ATG10: variants seen among roughly 807,000 people sequenced by gnomAD.
ATG10 encodes autophagy related 10.
In ATG10, 30 loss-of-function variants were observed where a neutral mutation model predicts 32.1. That is an observed-to-expected ratio of 0.94 (90% CI 0.70 to 1.27). The LOEUF is 1.27. Ranked by LOEUF, ATG10 falls within the 50% of genes most tolerant of loss-of-function variation. The probability of loss-of-function intolerance (pLI) is 0.00; values close to 1 mark genes in which losing one functional copy is unlikely to be tolerated. For synonymous variants in ATG10, 87 were observed against 91.5 expected (o/e 0.95, Z 0.28); for missense variants, 233 against 262.3 (o/e 0.89, Z 0.77).
chr5:82,201,791 A>G (rs1745079799), intron 5 of ATG10, among the ~76,000 whole-genome samples: 1 of 152,132 alleles, frequency 6.6e-6, no homozygotes, highest in East Asian at 1.9e-4. Flanking sequence ...CCATTCTTGT[A>G]TGTCTTCTGT....
intron 5 of ATG10, among the ~76,000 whole-genome samples, chr5:82,193,029 G>A (rs547179328): frequency 5.9e-5 from 9 of 152,278 alleles, no homozygotes; most frequent in African/African-American, 2.2e-4. Context: ...ACTATGAGGT[G>A]GGGTTGGCAG....
At chr5:82,234,462 C>T (rs971066823) in intron 5 of ATG10, among the ~76,000 whole-genome samples, 1 of 152,122 alleles carries the variant, frequency 6.6e-6, no homozygotes, top group African/African-American at 2.4e-5. Context: ...GTACCTTGAA[C>T]CCCATTGCCC....
At chr5:82,142,367 T>A (rs746410847) in intron 3 of ATG10, among the ~76,000 whole-genome samples, 17 of 152,144 alleles carry the variant, frequency 1.1e-4, no homozygotes, top group Non-Finnish European at 1.8e-4. Flanking sequence ...GAGGCAGGGT[T>A]TGAGTTGAAC....
chr5:82,195,074 A>ACACTTCAAG (rs1403536669), intron 5 of ATG10, among the ~76,000 whole-genome samples: 1 of 152,206 alleles, frequency 6.6e-6, no homozygotes, highest in African/African-American at 2.4e-5. Context: ...CTGGCTTCAA[A>ACACTTCAAG]CACTTCAAGC....
intron 4 of ATG10, among the ~76,000 whole-genome samples, chr5:82,166,930 G>C (rs765681768): frequency 6.6e-6 from 1 of 151,972 alleles, no homozygotes; most frequent in Non-Finnish European, 1.5e-5. Flanking sequence ...TCTCTGCTTT[G>C]CTCTAAATTT....
intron 5 of ATG10, among the ~76,000 whole-genome samples, chr5:82,214,052 G>A (rs1454079240): frequency 1.3e-5 from 2 of 152,152 alleles, no homozygotes; most frequent in Non-Finnish European, 2.9e-5. Flanking sequence ...TCATGTCCAT[G>A]TACTACCTAA....
intron 3 of ATG10, among the ~76,000 whole-genome samples, chr5:82,121,762 A>G (rs1044046002): frequency 6.6e-6 from 1 of 152,098 alleles, no homozygotes; most frequent in African/African-American, 2.4e-5. Context: ...GATGAATGAC[A>G]TTTATTGATT....
intron 2 of ATG10, among the ~76,000 whole-genome samples, chr5:81,994,895 G>A (rs1761615507): frequency 6.6e-6 from 1 of 152,116 alleles, no homozygotes; most frequent in Non-Finnish European, 1.5e-5. Flanking sequence ...ACATCTAGAA[G>A]CCAAGGTGTT....
At chr5:82,130,219 G>A (rs1010940366) in intron 3 of ATG10, among the ~76,000 whole-genome samples, 3 of 152,144 alleles carry the variant, frequency 2.0e-5, no homozygotes, top group Non-Finnish European at 4.4e-5. Context: ...ATCCCAGGTC[G>A]ACTTCAGACT....
intron 2 of ATG10, among the ~76,000 whole-genome samples, chr5:82,016,242 A>G (rs141431164): frequency 6.6e-6 from 1 of 152,006 alleles, no homozygotes; most frequent in Admixed American, 6.6e-5. Context: ...ATCCATCTTT[A>G]GTTGATTTTT....
intron 2 of ATG10, among the ~76,000 whole-genome samples, chr5:82,014,639 C>A (rs1432872026): frequency 6.6e-6 from 1 of 152,122 alleles, no homozygotes; most frequent in Non-Finnish European, 1.5e-5. Flanking sequence ...TTATCCGAGA[C>A]TAGGATTGCA....
intron 3 of ATG10, among the ~76,000 whole-genome samples, chr5:82,095,732 G>T (rs893420458): frequency 6.6e-6 from 1 of 152,084 alleles, no homozygotes; most frequent in Admixed American, 6.6e-5. Flanking sequence ...TGGCTGGGGA[G>T]GTGCACAGGC....
At chr5:81,985,936 G>A (rs1581568178) in intron 1 of ATG10, among the ~76,000 whole-genome samples, 1 of 152,060 alleles carries the variant, frequency 6.6e-6, no homozygotes, top group African/African-American at 2.4e-5. Context: ...CTAATTTTTT[G>A]TATTTTTTAG....
chr5:82,187,949 T>A (rs1744518227), intron 5 of ATG10, among the ~76,000 whole-genome samples: 1 of 152,188 alleles, frequency 6.6e-6, no homozygotes, highest in Non-Finnish European at 1.5e-5. Context: ...TGGAAAGTCC[T>A]AAATGCATAT....
At chr5:82,212,672 T>C (rs907004118) in intron 5 of ATG10, among the ~76,000 whole-genome samples, 2 of 152,202 alleles carry the variant, frequency 1.3e-5, no homozygotes, top group African/African-American at 4.8e-5. Flanking sequence ...ACTGTGCCAT[T>C]GAGAGTAAAC....
rs555392884 is a variant in ATG10 at position 81,991,404 on chromosome 5, G to A, written c.108+3726G>A. Among the ~76,000 whole-genome samples, 37 of 152,044 alleles carry A rather than the reference G, an allele frequency of 2.4e-4. No individual in the cohort carries two copies. In the South Asian group the frequency reaches 5.4e-3, roughly 22 times the overall value. On this transcript the variant is annotated intron_variant, in intron 2 of 7. Transcript: ENST00000282185. Reference sequence around the variant, plus strand: ...AGTGTGTAATTTATTAAGTTTTGACGTATCTATAGACCTGTGAACCTTTAC... The same window carrying A: ...AGTGTGTAATTTATTAAGTTTTGACATATCTATAGACCTGTGAACCTTTAC...
intron 3 of ATG10, among the ~76,000 whole-genome samples, chr5:82,125,944 T>C (rs181203679): frequency 4.6e-4 from 70 of 152,158 alleles, no homozygotes; most frequent in African/African-American, 1.7e-3. Flanking sequence ...GTGTCCTCTC[T>C]TATTTCCTTG....
At chr5:82,199,313 C>T (rs1236119275) in intron 5 of ATG10, among the ~76,000 whole-genome samples, 6 of 152,022 alleles carry the variant, frequency 3.9e-5, no homozygotes, top group Admixed American at 2.6e-4. Flanking sequence ...CTCAAATTTT[C>T]TTTTTAATAA....
chr5:82,139,973 G>C (rs1173439227), intron 3 of ATG10, among the ~76,000 whole-genome samples: 7 of 129,678 alleles, frequency 5.4e-5, no homozygotes, highest in Admixed American at 5.1e-4. Flanking sequence ...CAGCCGCCCC[G>C]TCAGGGAGGT....
Sources: gnomAD v4.1 joint callset for allele counts (sites outside exome capture counted in the v4.1 genomes callset) on GRCh38, gnomAD v4.1.1 for gene constraint, MANE v1.5 for transcripts, NCBI Gene and HGNC (gene_info 2026-07-23, HGNC 2026-07-21) for gene names.